Variants in EBF1 observed in about 807,000 individuals in gnomAD.
The protein encoded by EBF1 is transcription factor COE1.
In EBF1, 10 loss-of-function variants were observed where a neutral mutation model predicts 68.4. That is an observed-to-expected ratio of 0.15 (90% CI 0.09 to 0.25). EBF1 has a LOEUF of 0.25. EBF1 is among the 10% of genes least tolerant of loss of function. The pLI is 1.00. For synonymous variants in EBF1, 298 were observed against 299.8 expected (o/e 0.99, Z 0.06); for missense variants, 509 against 794.4 (o/e 0.64, Z 4.32).
chr5:158,713,127 C>T lies in EBF1; in HGVS notation c.1212G>A (p.Ala404=), dbSNP rs1423859478. The change falls in exon 13 of 16, where the codon GCG becomes GCA. Residue 404 remains alanine (A), a synonymous_variant. Transcript: ENST00000313708. ...HNNQEIILKR[A]ADIAEALYSV... is the part of the protein sequence containing the mutation. ...TGTACAGGGCCTCGGCAATGTCGGC[C>T]GCTCTCTTCAGAATGATTTCCTGAA... 11 of 1,511,876 alleles carry T rather than the reference C, an allele frequency of 7.3e-6. No individual in the cohort carries two copies. Among genetic ancestry groups the T allele is most frequent in the Middle Eastern group, 1.8e-4 (1 of 5,682 alleles). The allele number at this position is 1,511,876 out of a possible 1,614,324, so 93.7% of individuals were successfully genotyped here.
intron 6 of EBF1, among the ~76,000 whole-genome samples, chr5:158,917,512 T>G (rs1418365339): frequency 6.6e-6 from 1 of 152,234 alleles, no homozygotes; most frequent in Non-Finnish European, 1.5e-5. Flanking sequence ...TCAAGGGTCA[T>G]GTGCAAACCA....
At chr5:158,825,651 T>C (rs892755772) in intron 7 of EBF1, among the ~76,000 whole-genome samples, 2 of 152,112 alleles carry the variant, frequency 1.3e-5, no homozygotes, top group Non-Finnish European at 2.9e-5. Flanking sequence ...CTACACCCCA[T>C]ATGTTTTTCT....
At chr5:158,926,913 CGTT>C (rs1809830298) in intron 6 of EBF1, among the ~76,000 whole-genome samples, 1 of 151,926 alleles carries the variant, frequency 6.6e-6, no homozygotes, top group Admixed American at 6.6e-5. Flanking sequence ...AAATAAAGGA[CGTT>C]ATTATTTACA....
intron 4 of EBF1, among the ~76,000 whole-genome samples, chr5:159,095,223 C>T (rs986746983): frequency 6.6e-6 from 1 of 152,170 alleles, no homozygotes; most frequent in African/African-American, 2.4e-5. Flanking sequence ...CCCCCTCAGC[C>T]CCTCGCCCCT....
At chr5:159,014,726 C>A (rs1353335074) in intron 6 of EBF1, among the ~76,000 whole-genome samples, 1 of 152,106 alleles carries the variant, frequency 6.6e-6, no homozygotes, top group Non-Finnish European at 1.5e-5. Context: ...ACCATGTGAC[C>A]AATTCCTGGC....
rs138335353 is a variant in EBF1 at position 159,007,499 on chromosome 5, T to C, written c.554+65897A>G. Among the ~76,000 whole-genome samples, 12 of 152,280 alleles carry C rather than the reference T, an allele frequency of 7.9e-5. No individual in the cohort carries two copies. In the East Asian group the frequency reaches 1.7e-3, roughly 22 times the overall value. On this transcript the variant is annotated intron_variant, in intron 6 of 15. Coordinates refer to ENST00000313708, the MANE Select transcript of EBF1 (RefSeq NM_024007.5). Reference sequence around the variant, plus strand: ...CAGTTCTAAGACCTCTAGAACAACATAGCTTTGGGTCTAATCCACTGAAAA... The same window carrying C: ...CAGTTCTAAGACCTCTAGAACAACACAGCTTTGGGTCTAATCCACTGAAAA...
chr5:159,095,668 C>A lies in EBF1; in HGVS notation c.363G>T (p.Arg121Ser). The A allele has an allele frequency of 6.2e-7, 1 of 1,614,000 alleles. No homozygotes were observed. Among genetic ancestry groups the A allele is most frequent in the African/African-American group, 1.3e-5 (1 of 75,012 alleles). The change falls in exon 4 of 16, where the codon AGG (arginine) becomes AGT (serine). Residue 121 changes from arginine to serine, a missense_variant. Arg to Ser is a moderately radical substitution (Grantham distance 110). Transcript: ENST00000313708. ...RLQLLYSNGI[R>S]TEQDFYVRLI... ...GGCGCACGTAGAAATCCTGCTCCGT[C>A]CTTATCCCTAGGGTTGGAAATGGGG...
chr5:158,829,051 G>A (rs991562425), intron 7 of EBF1, among the ~76,000 whole-genome samples: 2 of 152,202 alleles, frequency 1.3e-5, no homozygotes, highest in Non-Finnish European at 2.9e-5. Flanking sequence ...GGAGGAATGG[G>A]TGAAGGATAG....
At chr5:158,728,850 C>T (rs1474491764) in intron 11 of EBF1, among the ~76,000 whole-genome samples, 1 of 152,194 alleles carries the variant, frequency 6.6e-6, no homozygotes, top group Non-Finnish European at 1.5e-5. Context: ...CCAGCATGAG[C>T]CACTGCTCGA....
chr5:158,900,498 T>C lies in EBF1; in HGVS notation c.555-60388A>G, dbSNP rs1379104972. ...TTCTGATTTGGTAACGACATGGGCA[T>C]GAGGCCCGGAAATTGATAGCATTTG... On this transcript the variant is annotated intron_variant, in intron 6 of 15. Coordinates refer to ENST00000313708, the MANE Select transcript of EBF1 (RefSeq NM_024007.5). Among the ~76,000 whole-genome samples, 4 of 152,218 alleles carry C rather than the reference T, an allele frequency of 2.6e-5. No individual in the cohort carries two copies. In the South Asian group the frequency reaches 8.3e-4, roughly 32 times the overall value.
chr5:158,846,622 G>T (rs1482803924), intron 6 of EBF1, among the ~76,000 whole-genome samples: 1 of 152,180 alleles, frequency 6.6e-6, no homozygotes, highest in Non-Finnish European at 1.5e-5. Flanking sequence ...AAAACAGTGA[G>T]AAGGAGAAAA....
At chr5:158,941,182 CTG>C in intron 6 of EBF1, 1 of 455,940 alleles carries the variant, frequency 2.2e-6, no homozygotes, top group Non-Finnish European at 4.4e-6. Flanking sequence ...CTCAGGTTTG[CTG>C]TGAGTGAAAG....
chr5:158,847,775 G>A (rs986581122), intron 6 of EBF1, among the ~76,000 whole-genome samples: 1 of 152,146 alleles, frequency 6.6e-6, no homozygotes, highest in African/African-American at 2.4e-5. Flanking sequence ...GACAGACTGA[G>A]GACACATTTG....
intron 6 of EBF1, among the ~76,000 whole-genome samples, chr5:158,861,471 A>G (rs1020224750): frequency 6.6e-6 from 1 of 152,242 alleles, no homozygotes; most frequent in East Asian, 1.9e-4. Flanking sequence ...AAAAAAGATC[A>G]GTAGAGAATT....
At position 158,699,103 on chromosome 5, in the gene EBF1, C is replaced by G; in HGVS notation, c.*8G>C. On this transcript the variant is annotated 3_prime_UTR_variant, in exon 16 of 16. Coordinates refer to ENST00000313708, the MANE Select transcript of EBF1 (RefSeq NM_024007.5). ...TCTTCATTAATACAATTCTTCAAGGCAATTCTTTCACATAGGAGGAACAAT... is the reference window on the plus strand; with the variant it reads ...TCTTCATTAATACAATTCTTCAAGGGAATTCTTTCACATAGGAGGAACAAT... 1 of 1,605,706 alleles carries G rather than the reference C, an allele frequency of 6.2e-7. No homozygotes were observed. The highest frequency in any genetic ancestry group is 8.5e-7 in the Non-Finnish European group (1 of 1,176,332).
chr5:159,022,320 T>G (rs963586022), intron 6 of EBF1, among the ~76,000 whole-genome samples: 2 of 152,246 alleles, frequency 1.3e-5, no homozygotes, highest in Non-Finnish European at 2.9e-5. Context: ...CGGCCGCCTG[T>G]GTCTGCCGCT....
intron 6 of EBF1, among the ~76,000 whole-genome samples, chr5:159,063,450 T>C (rs553313275): frequency 1.4e-4 from 21 of 152,368 alleles, no homozygotes; most frequent in African/African-American, 4.8e-4. Context: ...GGCATTCTTC[T>C]ATTTTTAAAA....
intron 8 of EBF1, among the ~76,000 whole-genome samples, chr5:158,810,163 C>G (rs925132705): frequency 3.3e-5 from 5 of 152,082 alleles, no homozygotes; most frequent in African/African-American, 9.7e-5. Flanking sequence ...CAAAGAAAGA[C>G]CAAAGATATA....
intron 6 of EBF1, among the ~76,000 whole-genome samples, chr5:159,049,906 A>G (rs1022714768): frequency 3.9e-5 from 6 of 152,206 alleles, no homozygotes; most frequent in African/African-American, 1.4e-4. Context: ...ACTCTCTCCG[A>G]CACAGCACAG....
Sources: allele counts gnomAD v4.1 joint callset (sites outside exome capture counted in the v4.1 genomes callset), GRCh38; gene constraint gnomAD v4.1.1; transcripts MANE v1.5; gene names NCBI Gene and HGNC (gene_info 2026-07-23, HGNC 2026-07-21).